Variants in IAH1 observed in about 807,000 individuals in gnomAD.
IAH1 encodes isoamyl acetate-hydrolyzing esterase 1 homolog.
IAH1 carries 24 observed loss-of-function variants against 26.7 expected under a neutral mutation model. That is an observed-to-expected ratio of 0.90 (90% CI 0.65 to 1.26). The LOEUF (loss-of-function observed/expected upper bound fraction) is 1.26. Ranked by LOEUF, IAH1 falls within the 50% of genes most tolerant of loss-of-function variation. The probability of loss-of-function intolerance (pLI) is 0.00; values close to 1 mark genes in which losing one functional copy is unlikely to be tolerated. For missense variants in IAH1, 300 were observed against 299.9 expected (o/e 1.00, Z 0.00); for synonymous variants, 140 against 118.5 (o/e 1.18, Z -1.18).
intron 1 of IAH1, chr2:9,475,276 A>G (rs1411330227): frequency 1.8e-6 from 2 of 1,136,888 alleles, no homozygotes; most frequent in African/African-American, 3.2e-5. Flanking sequence ...CTTCTCAGAC[A>G]GGACTTGCTT....
At chr2:9,482,032 CT>C (rs58813442) in intron 4 of IAH1, among the ~76,000 whole-genome samples, 195 of 134,598 alleles carry the variant, frequency 1.4e-3, no homozygotes, top group African/African-American at 2.3e-3. Flanking sequence ...TGGAAGTTCT[CT>C]TTTTTTTTTT....
Position 9,488,857 on chromosome 2 carries a change from AAATTTACAAGTT to A in IAH1, c.*531_*542del, listed in dbSNP as rs1558487260. 1 of 152,222 alleles carries A rather than the reference AAATTTACAAGTT, an allele frequency of 6.6e-6. No individual in the cohort carries two copies. The highest frequency in any genetic ancestry group is 1.5e-5 in the Non-Finnish European group (1 of 68,038). The allele number at this position is 152,222 out of a possible 1,614,324, so 9.4% of individuals were successfully genotyped here. A position where few individuals can be genotyped will look rare whatever the true frequency, so the allele number is the denominator to read the frequency against. On this transcript the variant is annotated 3_prime_UTR_variant, in exon 6 of 6. Coordinates refer to ENST00000497473, the MANE Select transcript of IAH1 (RefSeq NM_001039613.3). ...TCACAGGTTTGGTTAACTGCCCTCAAAATTTACAAGTTAAAATGTTTTGGCTGGTGAGCACAT... is the reference window on the plus strand; with the variant it reads ...TCACAGGTTTGGTTAACTGCCCTCAAAAAATGTTTTGGCTGGTGAGCACAT...
downstream of IAH1, among the ~76,000 whole-genome samples, chr2:9,501,258 A>C (rs1164178107): frequency 2.0e-5 from 3 of 152,240 alleles, no homozygotes; most frequent in African/African-American, 4.8e-5. Context: ...TGTTAAAAAA[A>C]AAAGTAAGAA....
At chr2:9,499,764 G>T (rs1662890276), downstream of IAH1, among the ~76,000 whole-genome samples, 1 of 152,120 alleles carries the variant, frequency 6.6e-6, no homozygotes, top group African/African-American at 2.4e-5. Context: ...ATAAAAACAT[G>T]GGCAACATGT....
chr2:9,508,975 A>G, the IAH1 span, among the ~76,000 whole-genome samples: 3 of 130,456 alleles, frequency 2.3e-5, no homozygotes. Flanking sequence ...AGATGCAGAA[A>G]ATATACATAA....
downstream of IAH1, chr2:9,497,277 A>G: frequency 1.2e-6 from 2 of 1,612,906 alleles, no homozygotes; most frequent in Non-Finnish European, 1.7e-6. Flanking sequence ...CATAACAAAA[A>G]GAATGAGTCA....
Position 9,488,232 on chromosome 2 carries a change from A to C in IAH1, c.650A>C (p.Glu217Ala). ...TTCTCGCATCTCTGGCCTTTGATAG[A>C]GAAAAAGGTCTCTTCTCTACCTTTG... ...FLFSHLWPLI[E>A]KKVSSLPLLL... is the part of the protein sequence containing the mutation. Residue 217 changes from glutamate (E) to alanine (A), a missense_variant, in exon 6 of 6, where the codon GAG becomes GCG. Physicochemically the swap from Glu to Ala is moderately radical, Grantham distance 107. Coordinates refer to ENST00000497473, the MANE Select transcript of IAH1 (RefSeq NM_001039613.3). The C allele has an allele frequency of 6.2e-7, 1 of 1,613,756 alleles. No homozygotes were observed. The highest frequency in any genetic ancestry group is 8.5e-7 in the Non-Finnish European group (1 of 1,179,862).
Position 9,488,387 on chromosome 2 carries a change from G to GT in IAH1, c.*59dup. On this transcript the variant is annotated 3_prime_UTR_variant, in exon 6 of 6. Transcript: ENST00000497473. Reference sequence around the variant, plus strand: ...CTACAGAACTCAAAGTTGTCAATACGTAGAGGTACGCTTTTTTCCTCAGGC... The same window carrying GT: ...CTACAGAACTCAAAGTTGTCAATACGTTAGAGGTACGCTTTTTTCCTCAGGC... 7.4e-7 allele frequency: 1 copy of GT among 1,343,224 alleles called. No homozygotes were observed. Among genetic ancestry groups the GT allele is most frequent in the Non-Finnish European group, 1.0e-6 (1 of 985,298 alleles). The allele number at this position is 1,343,224 out of a possible 1,614,324, so 83.2% of individuals were successfully genotyped here. A position where few individuals can be genotyped will look rare whatever the true frequency, so the allele number is the denominator to read the frequency against.
chr2:9,491,262 G>C, downstream of IAH1: 3 of 961,294 alleles, frequency 3.1e-6, no homozygotes, highest in Non-Finnish European at 4.7e-6. Flanking sequence ...AACCTGAGTT[G>C]TAGAAAGTGA....
At chr2:9,474,539 G>GCCCCCC, upstream of IAH1, 137 of 1,315,238 alleles carry the variant, frequency 1.0e-4, no homozygotes, top group Non-Finnish European at 1.2e-4. This position sits in a 1 kb window ranked among gnomAD's most constrained non-coding sequence, Gnocchi z 4.3. Context: ...GTGGCTGGCG[G>GCCCCCC]CCCCGCCCCG....
downstream of IAH1, among the ~76,000 whole-genome samples, chr2:9,496,734 A>C (rs1474428863): frequency 6.6e-6 from 1 of 152,292 alleles, no homozygotes; most frequent in East Asian, 1.9e-4. Flanking sequence ...GGAGTATCCT[A>C]GTTCCATGCC....
chr2:9,509,853 C>T, the IAH1 span: 25 of 1,245,928 alleles, frequency 2.0e-5, no homozygotes, highest in East Asian at 3.1e-4. Context: ...TTTCAAGGTA[C>T]TTTGTAATTT....
At chr2:9,476,186 G>T in intron 2 of IAH1, 147 bp downstream of exon 2, 1 of 670,510 alleles carries the variant, frequency 1.5e-6, no homozygotes, top group Non-Finnish European at 2.6e-6. Flanking sequence ...AGAAGGAACA[G>T]AAAACATTTA....
the IAH1 span, among the ~76,000 whole-genome samples, chr2:9,511,821 C>T: frequency 2.6e-5 from 4 of 151,532 alleles, no homozygotes; most frequent in Non-Finnish European, 5.9e-5. Context: ...AAATATAAAA[C>T]CTAGCCAGGC....
chr2:9,500,440 G>C (rs1327046803), downstream of IAH1, among the ~76,000 whole-genome samples: 4 of 152,184 alleles, frequency 2.6e-5, no homozygotes, highest in African/African-American at 9.6e-5. Context: ...AAAGGATACA[G>C]GGTTTCTTTC....
At chr2:9,496,859 T>C (rs879114883), downstream of IAH1, among the ~76,000 whole-genome samples, 6 of 152,158 alleles carry the variant, frequency 3.9e-5, no homozygotes, top group South Asian at 1.2e-3. Flanking sequence ...TTCCCTCCTC[T>C]CCCACCTCAA....
chr2:9,505,540 G>A, the IAH1 span: 3 of 630,852 alleles, frequency 4.8e-6, no homozygotes, highest in Non-Finnish European at 8.3e-6. Flanking sequence ...ATGGAACTGG[G>A]AACCTCCCTC....
chr2:9,484,775 G>A (rs540116752), intron 5 of IAH1: 31 of 496,322 alleles, frequency 6.2e-5, no homozygotes, highest in Admixed American at 1.0e-4. Flanking sequence ...GAGTTAGTGC[G>A]CAGTGACATC....
At chr2:9,491,066 G>C (rs1558490662), downstream of IAH1, 11 of 1,596,224 alleles carry the variant, frequency 6.9e-6, no homozygotes, top group Middle Eastern at 8.3e-4. Flanking sequence ...CTCAGACCAG[G>C]CGAAGATTAT....
Sources: allele counts gnomAD v4.1 joint callset (sites outside exome capture counted in the v4.1 genomes callset), GRCh38; gene constraint gnomAD v4.1.1; non-coding constraint Gnocchi (gnomAD v3.1); transcripts MANE v1.5; gene names NCBI Gene and HGNC (gene_info 2026-07-23, HGNC 2026-07-21).